ELP3: variants seen among roughly 807,000 people sequenced by gnomAD.
ELP3 encodes elongator acetyltransferase complex subunit 3, also known as elongator complex protein 3.
Under a neutral mutation model 74.9 loss-of-function variants are expected in ELP3, and 56 were observed. The ratio of observed to expected loss-of-function variants is 0.75; its 90% confidence interval spans 0.60 to 0.93. The LOEUF (loss-of-function observed/expected upper bound fraction) is 0.93. ELP3 is among the 40% of genes least tolerant of loss of function. The probability of loss-of-function intolerance (pLI) is 0.00; values close to 1 mark genes in which losing one functional copy is unlikely to be tolerated. For synonymous variants in ELP3, 222 were observed against 239.8 expected (o/e 0.93, Z 0.68); for missense variants, 573 against 686.5 (o/e 0.83, Z 1.85).
At chr8:28,132,788 T>C (rs1812830078) in intron 9 of ELP3, among the ~76,000 whole-genome samples, 1 of 152,218 alleles carries the variant, frequency 6.6e-6, no homozygotes, top group African/African-American at 2.4e-5. Flanking sequence ...TTAAATGTCT[T>C]TTTAATTTAA....
rs370063619 is a variant in ELP3, at chr8:28,181,021, C to T, written c.1568-8628C>T. On this transcript the variant is annotated intron_variant, in intron 14 of 14. Coordinates refer to ENST00000256398, the MANE Select transcript of ELP3 (RefSeq NM_018091.6). Reference sequence around the variant, plus strand: ...GTGGCCGCAAGACACTGCCCCCACGCCCCCAGTATCTCACGTGCCCTTCCT... The same window carrying T: ...GTGGCCGCAAGACACTGCCCCCACGTCCCCAGTATCTCACGTGCCCTTCCT... Among the ~76,000 whole-genome samples, 25 of 152,256 alleles carry T rather than the reference C, an allele frequency of 1.6e-4. No individual in the cohort carries two copies. The East Asian group carries it at 3.9e-3, about 24-fold the overall frequency.
chr8:28,125,259 C>T (rs765997691), intron 7 of ELP3, among the ~76,000 whole-genome samples: 2 of 152,152 alleles, frequency 1.3e-5, no homozygotes, highest in Non-Finnish European at 1.5e-5. Flanking sequence ...TTGTGACTAA[C>T]GAAAATGAAT....
At chr8:28,129,422 A>G in intron 7 of ELP3, 80 bp from the exon 8 acceptor site, 3 of 1,452,296 alleles carry the variant, frequency 2.1e-6, no homozygotes, top group Admixed American at 3.4e-5. Context: ...TACTAGGAGG[A>G]CAGAGAGAAG....
intron 14 of ELP3, among the ~76,000 whole-genome samples, chr8:28,184,745 C>T (rs1315704453): frequency 2.6e-5 from 4 of 152,128 alleles, no homozygotes; most frequent in East Asian, 3.8e-4. Context: ...TAAAATTAGG[C>T]CATCATTTTC....
chr8:28,180,857 G>T (rs956046014), intron 14 of ELP3, among the ~76,000 whole-genome samples: 1 of 152,148 alleles, frequency 6.6e-6, no homozygotes, highest in African/African-American at 2.4e-5. Flanking sequence ...CCCTGTCTGT[G>T]CCAGGCTCTG....
chr8:28,117,734 A>C (rs192732597), intron 7 of ELP3, among the ~76,000 whole-genome samples: 1 of 151,456 alleles, frequency 6.6e-6, no homozygotes, highest in Non-Finnish European at 1.5e-5. Flanking sequence ...ATCATCTGGA[A>C]AAAAAAAAGA....
At chr8:28,115,529 T>A (rs536264067) in intron 7 of ELP3, among the ~76,000 whole-genome samples, 2 of 152,336 alleles carry the variant, frequency 1.3e-5, no homozygotes, top group East Asian at 3.9e-4. Context: ...ACATTTGCTC[T>A]GTATACAGTG....
chr8:28,189,739 C>G lies in ELP3; in HGVS notation c.*14C>G. 2 of 1,611,614 alleles carry G rather than the reference C, an allele frequency of 1.2e-6. No homozygotes were observed. The highest frequency in any genetic ancestry group is 1.7e-6 in the Non-Finnish European group (2 of 1,177,740). On this transcript the variant is annotated 3_prime_UTR_variant, in exon 15 of 15. Transcript: ENST00000256398. ...ATGCTGAAATAATGGCCACACCAGT[C>G]CACTCTTCTGCAGTATCCTCCCTGG...
At chr8:28,093,994 G>A (rs1811151798) in intron 1 of ELP3, among the ~76,000 whole-genome samples, 1 of 152,200 alleles carries the variant, frequency 6.6e-6, no homozygotes, top group Non-Finnish European at 1.5e-5. Context: ...GGCTGTATCT[G>A]TGACCTCAAA....
At chr8:28,181,446 CTGT>C (rs1484790641) in intron 14 of ELP3, among the ~76,000 whole-genome samples, 1 of 152,162 alleles carries the variant, frequency 6.6e-6, no homozygotes, top group African/African-American at 2.4e-5. Context: ...TTATTATTGC[CTGT>C]TATCAGACCC....
chr8:28,114,857 C>T lies in ELP3; in HGVS notation c.617+1684C>T, dbSNP rs995883581. ...AGGGGAAGTGGCAAGTTCTGGTTAA[C>T]AGGTAGGGTCATTCCGGCTACTGTC... On this transcript the variant is annotated intron_variant, in intron 7 of 14. Transcript: ENST00000256398. Among the ~76,000 whole-genome samples, 10 of 152,102 alleles carry T rather than the reference C, an allele frequency of 6.6e-5. No homozygotes were observed. The East Asian group carries it at 1.9e-3, about 29-fold the overall frequency.
intron 7 of ELP3, 97 bp from the exon 8 acceptor site, chr8:28,129,405 T>C: frequency 7.8e-7 from 1 of 1,281,846 alleles, no homozygotes; most frequent in Admixed American, 1.8e-5. Flanking sequence ...TCTTTACCAC[T>C]ATCTCATACT....
intron 7 of ELP3, among the ~76,000 whole-genome samples, chr8:28,114,543 G>A (rs1472024299): frequency 2.6e-5 from 4 of 152,066 alleles, no homozygotes; most frequent in East Asian, 3.9e-4. Flanking sequence ...CAAATCTCAC[G>A]TGAAACAACT....
intron 7 of ELP3, among the ~76,000 whole-genome samples, chr8:28,127,347 C>T (rs192318731): frequency 2.0e-5 from 3 of 152,260 alleles, no homozygotes; most frequent in South Asian, 2.1e-4. Flanking sequence ...TATGCCACCA[C>T]GCTTGCTAAC....
intron 10 of ELP3, among the ~76,000 whole-genome samples, chr8:28,141,554 A>G (rs1813238148): frequency 6.6e-6 from 1 of 152,204 alleles, no homozygotes; most frequent in Non-Finnish European, 1.5e-5. Context: ...ATCCATGTTA[A>G]CTTCCTCATT....
At chr8:28,110,644 T>A (rs929353852) in intron 6 of ELP3, 9 of 480,422 alleles carry the variant, frequency 1.9e-5, no homozygotes, top group Non-Finnish European at 3.3e-5. Context: ...CTGTATTTAT[T>A]GTTTAAGGGT....
intron 14 of ELP3, among the ~76,000 whole-genome samples, chr8:28,171,515 TTGTC>T (rs1814525935): frequency 6.6e-6 from 1 of 152,150 alleles, no homozygotes; most frequent in South Asian, 2.1e-4. Flanking sequence ...ACTGGATTGT[TTGTC>T]TTTTTGTTGT....
intron 7 of ELP3, among the ~76,000 whole-genome samples, chr8:28,117,234 C>T (rs900441245): frequency 6.6e-6 from 1 of 152,088 alleles, no homozygotes; most frequent in African/African-American, 2.4e-5. Context: ...CTAAGATCTG[C>T]ATAGTGAACT....
At chr8:28,136,525 T>G (rs1475615897) in intron 9 of ELP3, among the ~76,000 whole-genome samples, 1 of 152,194 alleles carries the variant, frequency 6.6e-6, no homozygotes, top group Non-Finnish European at 1.5e-5. Context: ...GACCTGATGA[T>G]TCTTTAAAAT....
Sources: allele counts gnomAD v4.1 joint callset (sites outside exome capture counted in the v4.1 genomes callset), GRCh38; gene constraint gnomAD v4.1.1; transcripts MANE v1.5; gene names NCBI Gene and HGNC (gene_info 2026-07-23, HGNC 2026-07-21).